The following NRL variants were observed in gnomAD, a reference collection of about 807,000 sequenced individuals.
NRL encodes neural retina-specific leucine zipper protein.
A neutral mutation model predicts 12.5 loss-of-function variants in NRL; 16 were observed. The ratio of observed to expected loss-of-function variants is 1.28; its 90% CI spans 0.87 to 1.95. The LOEUF is 1.95. Among genes scored for constraint, NRL ranks in the 30% most tolerant of loss-of-function variants. The probability of loss-of-function intolerance (pLI) is 0.00; values close to 1 mark genes in which losing one functional copy is unlikely to be tolerated. For missense variants in NRL, 314 were observed against 325.8 expected (o/e 0.96, Z 0.28); for synonymous variants, 142 against 150.9 (o/e 0.94, Z 0.43).
intron 1 of NRL, among the ~76,000 whole-genome samples, chr14:24,112,373 CAA>C (rs1304476538): frequency 1.3e-5 from 2 of 151,244 alleles, no homozygotes; most frequent in African/African-American, 4.9e-5. Context: ...GGGAGGATGA[CAA>C]ATGGGATCTA....
intron 1 of NRL, among the ~76,000 whole-genome samples, chr14:24,089,184 G>A (rs1293668257): frequency 3.3e-5 from 5 of 151,976 alleles, no homozygotes; most frequent in Admixed American, 1.3e-4. Context: ...TGATCCACCC[G>A]CCTCAGCCTC....
chr14:24,114,081 C>T (rs1594327952), intron 1 of NRL: 1 of 152,502 alleles, frequency 6.6e-6, no homozygotes, highest in Non-Finnish European at 1.5e-5. Context: ...CACCCTGGAC[C>T]CGCGGCCGGG....
chr14:24,108,814 G>C (rs182225102), intron 1 of NRL, among the ~76,000 whole-genome samples: 2 of 152,268 alleles, frequency 1.3e-5, no homozygotes, highest in African/African-American at 4.8e-5. Context: ...CATCGACACA[G>C]AGAATACTAT....
chr14:24,106,475 C>G (rs1378186523), intron 1 of NRL, among the ~76,000 whole-genome samples: 1 of 152,182 alleles, frequency 6.6e-6, no homozygotes, highest in East Asian at 1.9e-4. Flanking sequence ...GTGGCTCACA[C>G]TTTGGGAGGC....
chr14:24,081,592 C>G lies in NRL; in HGVS notation c.382-24G>C, dbSNP rs1005121506. The G allele has an allele frequency of 6.4e-7, 1 of 1,570,902 alleles. No homozygotes were observed. The highest frequency in any genetic ancestry group is 1.3e-5 in the African/African-American group (1 of 74,164). ...AGCTGCGGAGGGAGAATGCAGAAAC[C>G]GGGTCAGCGCCAGGTCGCACCCGGC... On this transcript the variant is annotated intron_variant, in intron 2 of 2. Coordinates refer to ENST00000561028, the MANE Select transcript of NRL (RefSeq NM_001354768.3). The surrounding 1 kb of genome is among the most constrained non-coding windows in gnomAD (Gnocchi z 4.4).
At chr14:24,111,254 C>G (rs1411458092) in intron 1 of NRL, among the ~76,000 whole-genome samples, 1 of 152,212 alleles carries the variant, frequency 6.6e-6, no homozygotes, top group Non-Finnish European at 1.5e-5. Context: ...GCTGGAATTA[C>G]AGTCGTAAGC....
At chr14:24,091,031 A>G (rs2036613989) in intron 1 of NRL, among the ~76,000 whole-genome samples, 1 of 152,230 alleles carries the variant, frequency 6.6e-6, no homozygotes, top group Non-Finnish European at 1.5e-5. Context: ...ACTACAGTAT[A>G]GTAAAGTACA....
chr14:24,107,056 G>A (rs984948900), intron 1 of NRL, among the ~76,000 whole-genome samples: 8 of 152,094 alleles, frequency 5.3e-5, no homozygotes, highest in Admixed American at 1.3e-4. Context: ...CCCTGTAAGC[G>A]TATATTACAT....
intron 1 of NRL, chr14:24,102,874 T>A: frequency 1.2e-6 from 2 of 1,613,868 alleles, no homozygotes; most frequent in Non-Finnish European, 1.7e-6. Flanking sequence ...TCATCTTTGG[T>A]GGCCGCAGAC....
At position 24,114,845 on chromosome 14, in the gene NRL, A is replaced by C; in HGVS notation, c.-151T>G. 1 of 985,916 alleles carries C rather than the reference A, an allele frequency of 1.0e-6. No individual in the cohort carries two copies. Among genetic ancestry groups the C allele is most frequent in the Non-Finnish European group, 1.2e-6 (1 of 829,954 alleles). The allele number at this position is 985,916 out of a possible 1,614,324, so 61.1% of individuals were successfully genotyped here. Reference sequence around the variant, plus strand: ...TGACGAGCGAAGCGCGTGACGGAGGAGCGGTTGGCCAACGCAGTGGCGGCA... The same window carrying C: ...TGACGAGCGAAGCGCGTGACGGAGGCGCGGTTGGCCAACGCAGTGGCGGCA... On this transcript the variant is annotated 5_prime_UTR_variant, in exon 1 of 3. Coordinates refer to ENST00000561028, the MANE Select transcript of NRL (RefSeq NM_001354768.3).
chr14:24,095,358 C>G (rs1017066823), intron 1 of NRL: 9 of 408,994 alleles, frequency 2.2e-5, no homozygotes, highest in Middle Eastern at 8.0e-4. Flanking sequence ...GAACTTCCCT[C>G]TGAGGCAGGA....
intron 1 of NRL, chr14:24,084,715 G>A (rs2036422547): frequency 2.0e-6 from 2 of 985,476 alleles, no homozygotes; most frequent in South Asian, 9.4e-5. Flanking sequence ...CAACCAATAA[G>A]GTAAGGAGAT....
intron 1 of NRL, among the ~76,000 whole-genome samples, chr14:24,089,048 C>A (rs1344514155): frequency 6.6e-6 from 1 of 151,912 alleles, no homozygotes; most frequent in Non-Finnish European, 1.5e-5. Context: ...TCGTGATCCG[C>A]CCGCCTCGGC....
Position 24,099,058 on chromosome 14 carries a change from T to G in NRL, c.-28+15664A>C. 1 of 1,600,716 alleles carries G rather than the reference T, an allele frequency of 6.2e-7. No individual in the cohort carries two copies. Among genetic ancestry groups the G allele is most frequent in the South Asian group, 1.1e-5 (1 of 90,846 alleles). ...ACCCCATTGTCCCCAGGGGAGCCAG[T>G]GAGCCAGTGGCCGTGCAACCCAGAG... On this transcript the variant is annotated intron_variant, in intron 1 of 2. Coordinates refer to ENST00000561028, the MANE Select transcript of NRL (RefSeq NM_001354768.3).
intron 1 of NRL, chr14:24,097,152 C>A (rs1402375271): frequency 6.2e-7 from 1 of 1,611,828 alleles, no homozygotes; most frequent in African/African-American, 1.3e-5. Context: ...GCCTTGGGCT[C>A]CACAACCTGC....
At chr14:24,114,589 T>G (rs927118401) in intron 1 of NRL, 133 bp downstream of exon 1, 12 of 784,324 alleles carry the variant, frequency 1.5e-5, no homozygotes, top group African/African-American at 9.4e-5. Context: ...TCTCAGCCGT[T>G]ACGCCTAGTT....
chr14:24,081,920 C>T lies in NRL; in HGVS notation c.382-352G>A. 7.8e-7 allele frequency: 1 copy of T among 1,288,142 alleles called. No homozygotes were observed. Among genetic ancestry groups the T allele is most frequent in the Non-Finnish European group, 9.9e-7 (1 of 1,008,306 alleles). 79.8% of individuals were successfully genotyped at this position (1,288,142 alleles called of 1,614,324 possible). On this transcript the variant is annotated intron_variant, in intron 2 of 2. Coordinates refer to ENST00000561028, the MANE Select transcript of NRL (RefSeq NM_001354768.3). This position sits in a 1 kb window ranked among gnomAD's most constrained non-coding sequence, Gnocchi z 4.4. Reference sequence around the variant, plus strand: ...AGTGGACCCGCACCCAGACAGCCCCCAACCCTCCAACGCGCTGCGTTTCCC... The same window carrying T: ...AGTGGACCCGCACCCAGACAGCCCCTAACCCTCCAACGCGCTGCGTTTCCC...
In NRL at chr14:24,084,750, G is replaced by A. The variant is rs557004998; in HGVS notation, c.-27-1875C>T. 3 of 979,050 alleles carry A rather than the reference G, an allele frequency of 3.1e-6. No individual in the cohort carries two copies. The East Asian group carries it at 3.4e-4, about 112-fold the overall frequency. The allele number at this position is 979,050 out of a possible 1,614,324, so 60.6% of individuals were successfully genotyped here. A position where few individuals can be genotyped will look rare whatever the true frequency, so the allele number is the denominator to read the frequency against. On this transcript the variant is annotated intron_variant, in intron 1 of 2. Coordinates refer to ENST00000561028, the MANE Select transcript of NRL (RefSeq NM_001354768.3). ...TCATTTGCATATCTTATTGGCCTGGGGTTGGGGGAAATGGAGAGAGAGGAG... is the reference window on the plus strand; with the variant it reads ...TCATTTGCATATCTTATTGGCCTGGAGTTGGGGGAAATGGAGAGAGAGGAG...
intron 1 of NRL, chr14:24,100,670 A>G (rs1041133535): frequency 1.0e-5 from 7 of 695,438 alleles, no homozygotes; most frequent in Non-Finnish European, 1.2e-5. Context: ...CCATTAGGAA[A>G]AGAGGAAAGC....
Sources: allele counts gnomAD v4.1 joint callset (sites outside exome capture counted in the v4.1 genomes callset), GRCh38; gene constraint gnomAD v4.1.1; non-coding constraint Gnocchi (gnomAD v3.1); transcripts MANE v1.5; gene names NCBI Gene and HGNC (gene_info 2026-07-23, HGNC 2026-07-21).